The following YARS1 variants were observed in gnomAD, a reference collection of about 807,000 sequenced individuals.
YARS1 encodes tyrosine--tRNA ligase, cytoplasmic.
Under a neutral mutation model 62.2 loss-of-function variants are expected in YARS1, and 36 were observed. The ratio of observed to expected loss-of-function variants is 0.58; its 90% CI spans 0.44 to 0.76. The LOEUF (loss-of-function observed/expected upper bound fraction) is 0.76, where lower values mean the gene tolerates loss of function less well. YARS1 is among the 30% of genes least tolerant of loss of function. The pLI, the probability that YARS1 is intolerant of heterozygous loss-of-function variation, is 0.00. For synonymous variants in YARS1, 234 were observed against 244.9 expected, an observed-to-expected ratio of 0.96 and a Z score of 0.42; for missense variants, 524 against 639.8, an observed-to-expected ratio of 0.82 and a Z score of 1.95.
intron 9 of YARS1, 143 bp downstream of exon 9, chr1:32,782,261 T>A: frequency 7.1e-7 from 1 of 1,399,662 alleles, no homozygotes; most frequent in Non-Finnish European, 1.0e-6. Context: ...TCAAGTTCCA[T>A]TCTAGGAGCC....
chr1:32,801,939 T>C (rs1277302860), intron 4 of YARS1, among the ~76,000 whole-genome samples: 1 of 145,916 alleles, frequency 6.9e-6, no homozygotes, highest in Non-Finnish European at 1.5e-5. Context: ...TCTCTTGTTA[T>C]TTCTTTTTTT....
At chr1:32,782,617 A>G (rs1170920798) in intron 8 of YARS1, 78 bp from the exon 9 acceptor site, 15 of 1,597,082 alleles carry the variant, frequency 9.4e-6, no homozygotes, top group Non-Finnish European at 1.3e-5. Flanking sequence ...AAGTAGGATC[A>G]AGGGAGTTTT....
intron 5 of YARS1, among the ~76,000 whole-genome samples, chr1:32,793,729 G>A (rs115469699): frequency 0.013 from 1,960 of 152,284 alleles, 132 homozygotes; most frequent in Admixed American, 0.11. Flanking sequence ...CATATTATCT[G>A]TAAAGGAGAA....
intron 9 of YARS1, 25 bp from the exon 10 acceptor site, chr1:32,781,170 G>A: frequency 6.3e-7 from 1 of 1,594,226 alleles, no homozygotes; most frequent in Non-Finnish European, 8.6e-7. Context: ...AACCCCATGA[G>A]GTAGAATTCT....
Position 32,781,247 on chromosome 1 carries a change from A to G in YARS1, c.1043-102T>C, listed in dbSNP as rs41265859. 1.6e-3 allele frequency: 1,496 copies of G among 962,136 alleles called. 6 individuals are homozygous for G. The highest frequency in any genetic ancestry group is 2.1e-3 in the Non-Finnish European group (1,281 of 595,824). The allele number at this position is 962,136 out of a possible 1,614,324, so 59.6% of individuals were successfully genotyped here. On this transcript the variant is annotated intron_variant, in intron 9 of 12. Coordinates refer to ENST00000373477, the MANE Select transcript of YARS1 (RefSeq NM_003680.4). ...ACTGAGATTAGGTAAGATTTAGTGT[A>G]GAATCCCCAGAGTCTAAACACTGAG...
rs770875541 is a variant in YARS1 at position 32,786,978 on chromosome 1, A to C, written c.782T>G (p.Leu261Arg). Residue 261 changes from leucine to arginine, a missense_variant, in exon 7 of 13, where the codon CTG becomes CGG. Physicochemically the swap from Leu to Arg is moderately radical, Grantham distance 102. Coordinates refer to ENST00000373477, the MANE Select transcript of YARS1 (RefSeq NM_003680.4). The stretch of plus-strand genomic sequence containing the variant: ...AAAAAGGACATGCTTGATGAAGGAC[A>C]GAACCCCATTGTTCTCCACATTTCC... The part of the protein sequence containing the change: ...EPGNVENNGV[L>R]SFIKHVLFPL... 2 of 1,614,196 alleles carry C rather than the reference A, an allele frequency of 1.2e-6. No individual in the cohort carries two copies. The highest frequency in any genetic ancestry group is 3.3e-5 in the Admixed American group (2 of 60,022).
intron 4 of YARS1, among the ~76,000 whole-genome samples, chr1:32,804,182 CCCA>C (rs1222977202): frequency 1.3e-5 from 2 of 152,264 alleles, no homozygotes; most frequent in South Asian, 2.1e-4. Context: ...CTTTCTTTTC[CCCA>C]CATTTCCCCC....
chr1:32,801,869 A>T (rs1039573202), intron 4 of YARS1, among the ~76,000 whole-genome samples: 2 of 152,032 alleles, frequency 1.3e-5, no homozygotes, highest in African/African-American at 4.8e-5. Flanking sequence ...ATCTGTTCAA[A>T]ATTTATCATG....
At chr1:32,779,317 C>G in intron 12 of YARS1, 65 bp downstream of exon 12, 2 of 1,613,424 alleles carry the variant, frequency 1.2e-6, no homozygotes, top group Non-Finnish European at 1.7e-6. Flanking sequence ...GCTTCAGTAA[C>G]AGGACAGTCT....
In YARS1 at chr1:32,810,571, G is replaced by T; in HGVS notation, c.380+20C>A. ...TAGAAGCACCAGAGCCACAAGGAGG[G>T]TGGATGATCAAGCACTTACTTGCTG... On this transcript the variant is annotated intron_variant, in intron 3 of 12. Transcript: ENST00000373477. 6.2e-7 allele frequency: 1 copy of T among 1,612,310 alleles called. No individual in the cohort carries two copies. The highest frequency in any genetic ancestry group is 1.1e-5 in the South Asian group (1 of 90,990).
intron 4 of YARS1, among the ~76,000 whole-genome samples, chr1:32,799,992 T>C (rs1016933610): frequency 2.6e-5 from 4 of 152,058 alleles, no homozygotes; most frequent in African/African-American, 9.7e-5. Flanking sequence ...CCGGGTTTTC[T>C]TTTTTTAAGA....
chr1:32,797,877 C>T, intron 4 of YARS1, 34 bp from the exon 5 acceptor site: 1 of 1,592,530 alleles, frequency 6.3e-7, no homozygotes, highest in Non-Finnish European at 8.6e-7. Context: ...TAAACATCTA[C>T]TTTATTTTTT....
Position 32,780,888 on chromosome 1 carries a change from C to T in YARS1, c.1140+160G>A, listed in dbSNP as rs532675955. Among the ~76,000 whole-genome samples the T allele has an allele frequency of 2.1e-3, 319 of 152,304 alleles. 3 individuals are homozygous for T. The highest frequency in any genetic ancestry group is 3.4e-3 in the Middle Eastern group (1 of 294). ...TTGCATAATATCCACAGGCAACAATCGCAACAGAAAGCCTGATGCCTGGAA... is the reference window on the plus strand; with the variant it reads ...TTGCATAATATCCACAGGCAACAATTGCAACAGAAAGCCTGATGCCTGGAA... On this transcript the variant is annotated intron_variant, in intron 10 of 12. Coordinates refer to ENST00000373477, the MANE Select transcript of YARS1 (RefSeq NM_003680.4).
chr1:32,816,108 C>CAAAAA (rs71571726), intron 1 of YARS1, among the ~76,000 whole-genome samples: 2 of 54,092 alleles, frequency 3.7e-5, no homozygotes, highest in Non-Finnish European at 7.5e-5. Flanking sequence ...GACTCCGCCT[C>CAAAAA]AAAAAAAAAA....
intron 8 of YARS1, 37 bp downstream of exon 8, chr1:32,786,325 G>A (rs754236894): frequency 6.3e-7 from 1 of 1,596,932 alleles, no homozygotes; most frequent in Non-Finnish European, 8.6e-7. Context: ...ACAAAATACA[G>A]ATCTTCATGA....
chr1:32,804,434 G>A (rs950369581), intron 4 of YARS1, among the ~76,000 whole-genome samples: 27 of 151,786 alleles, frequency 1.8e-4, no homozygotes, highest in Non-Finnish European at 3.7e-4. Flanking sequence ...CCACCTCCCG[G>A]ACGGGGCGGC....
chr1:32,789,979 G>A (rs1309745465), intron 6 of YARS1, among the ~76,000 whole-genome samples: 1 of 150,766 alleles, frequency 6.6e-6, no homozygotes, highest in Non-Finnish European at 1.5e-5. Flanking sequence ...TGCCTCCTGG[G>A]TTCAAGCAAT....
intron 4 of YARS1, among the ~76,000 whole-genome samples, chr1:32,804,046 C>A (rs1010450389): frequency 6.6e-6 from 1 of 152,236 alleles, no homozygotes; most frequent in East Asian, 1.9e-4. Context: ...TCAGAGAGCA[C>A]GGGGTTGGGG....
Position 32,786,382 on chromosome 1 carries a change from C to T in YARS1, c.886G>A (p.Glu296Lys). 1 of 1,614,042 alleles carries T rather than the reference C, an allele frequency of 6.2e-7. No individual in the cohort carries two copies. Among genetic ancestry groups the T allele is most frequent in the African/African-American group, 1.3e-5 (1 of 75,012 alleles). The change falls in exon 8 of 13, where the codon GAA (glutamate) becomes AAA (lysine). Residue 296 changes from glutamate to lysine, a missense_variant. By Grantham distance (56) the Glu-to-Lys change is moderately conservative (BLOSUM62 1). Transcript: ENST00000373477. ...GTTACCTCAGCAGCAAAGTCCTTTT[C>T]CAGGTCCACGTAAGCTGTGTAGGTT... is the stretch of plus-strand genomic sequence containing the variant. Reference protein sequence around the residue: ...NKTYTAYVDLEKDFAAEVVHP... With the variant: ...NKTYTAYVDLKKDFAAEVVHP...
Sources: allele counts gnomAD v4.1 joint callset (sites outside exome capture counted in the v4.1 genomes callset), GRCh38; gene constraint gnomAD v4.1.1; transcripts MANE v1.5; gene names NCBI Gene and HGNC (gene_info 2026-07-23, HGNC 2026-07-21).